The following PCDHA1 variants were observed in gnomAD, a reference collection of about 807,000 sequenced individuals.
PCDHA1 encodes protocadherin alpha-1.
A neutral mutation model predicts 61.3 loss-of-function variants in PCDHA1; 42 were observed. That is an observed-to-expected ratio of 0.69 (90% CI 0.54 to 0.89). The LOEUF is 0.89. Ranked by LOEUF, PCDHA1 falls within the 40% of genes least tolerant of loss-of-function variation. The pLI, the probability that PCDHA1 is intolerant of heterozygous loss-of-function variation, is 0.00. For synonymous variants in PCDHA1, 610 were observed against 553.8 expected (o/e 1.10, Z -1.43); for missense variants, 1,256 against 1,235.3 (o/e 1.02, Z -0.25).
chr5:140,836,764 A>G (rs1774728694), intron 1 of PCDHA1: 2 of 1,563,418 alleles, frequency 1.3e-6, no homozygotes, highest in Non-Finnish European at 1.7e-6. Context: ...TCTTGTTTCC[A>G]ACAATTTTAA....
chr5:140,861,445 G>A (rs1196401790), intron 1 of PCDHA1: 1 of 494,332 alleles, frequency 2.0e-6, no homozygotes, highest in Admixed American at 2.1e-5. Context: ...AAAAGCCGCA[G>A]AAACCTTCTG....
chr5:141,010,499 T>C lies in PCDHA1; in HGVS notation c.*562T>C. ...GTGTAAACTTAAAGGGACCAGACTTTCTAAATCTTACAACTCAAGAGGTGG... is the reference window on the plus strand; with the variant it reads ...GTGTAAACTTAAAGGGACCAGACTTCCTAAATCTTACAACTCAAGAGGTGG... On this transcript the variant is annotated 3_prime_UTR_variant, in exon 4 of 4. Coordinates refer to ENST00000504120, the MANE Select transcript of PCDHA1 (RefSeq NM_018900.4). 1.7e-6 allele frequency: 1 copy of C among 586,170 alleles called. No individual in the cohort carries two copies. Among genetic ancestry groups the C allele is most frequent in the Non-Finnish European group, 2.7e-6 (1 of 372,458 alleles). 36.3% of individuals were successfully genotyped at this position (586,170 alleles called of 1,614,324 possible).
At chr5:140,790,565 T>A (rs1344687943) in intron 1 of PCDHA1, among the ~76,000 whole-genome samples, 1 of 152,206 alleles carries the variant, frequency 6.6e-6, no homozygotes, top group Non-Finnish European at 1.5e-5. Flanking sequence ...AAAAAAATAA[T>A]CTTAGCATCA....
At chr5:140,946,660 A>T (rs2094005518) in intron 1 of PCDHA1, among the ~76,000 whole-genome samples, 1 of 146,900 alleles carries the variant, frequency 6.8e-6, no homozygotes, top group African/African-American at 2.6e-5. Context: ...GCCATTAGAA[A>T]GAATGAAATC....
intron 1 of PCDHA1, chr5:140,968,939 A>G: frequency 6.2e-7 from 1 of 1,614,164 alleles, no homozygotes; most frequent in South Asian, 1.1e-5. Flanking sequence ...GACAATCATC[A>G]TTTTGAGCAT....
chr5:140,882,770 T>C (rs781904504), intron 1 of PCDHA1: 4 of 1,614,144 alleles, frequency 2.5e-6, no homozygotes, highest in Non-Finnish European at 3.4e-6. Flanking sequence ...AAACTCGGCA[T>C]TGACCTACCG....
intron 1 of PCDHA1, chr5:140,883,566 C>A: frequency 1.2e-5 from 19 of 1,614,176 alleles, no homozygotes; most frequent in Non-Finnish European, 1.5e-5. Flanking sequence ...GGGGGCTCGC[C>A]TTCGCTGTGG....
chr5:140,964,812 T>C (rs2095855698), intron 1 of PCDHA1, among the ~76,000 whole-genome samples: 1 of 151,914 alleles, frequency 6.6e-6, no homozygotes, highest in Non-Finnish European at 1.5e-5. Flanking sequence ...GAGACAGGAA[T>C]AGATTTTGAT....
chr5:140,796,697 G>A, intron 1 of PCDHA1: 1 of 1,613,994 alleles, frequency 6.2e-7, no homozygotes, highest in Non-Finnish European at 8.5e-7. Context: ...GGCGCAGTGA[G>A]TGAGCTGGTG....
intron 1 of PCDHA1, chr5:140,829,680 T>C (rs1554132158): frequency 1.9e-6 from 3 of 1,613,098 alleles, no homozygotes; most frequent in African/African-American, 1.3e-5. Context: ...GAGCTAGAGC[T>C]GCTGCAGTTT....
chr5:140,946,353 A>C (rs2093933429), intron 1 of PCDHA1, among the ~76,000 whole-genome samples: 1 of 151,910 alleles, frequency 6.6e-6, no homozygotes, highest in Admixed American at 6.6e-5. Context: ...GAGGATGTGG[A>C]GAAAAGGGAA....
chr5:140,820,875 A>C (rs2150108216), intron 1 of PCDHA1, among the ~76,000 whole-genome samples: 8 of 152,070 alleles, frequency 5.3e-5, no homozygotes, highest in Non-Finnish European at 1.2e-4. Context: ...TCTAATTTGA[A>C]AATAGTGCAA....
intron 1 of PCDHA1, chr5:140,816,520 T>A (rs909613527): frequency 6.6e-6 from 1 of 152,074 alleles, no homozygotes; most frequent in Non-Finnish European, 1.5e-5. Flanking sequence ...TGTGTGTGTG[T>A]GTGTGTGTGT....
At chr5:140,998,405 G>C (rs144117915) in intron 3 of PCDHA1, among the ~76,000 whole-genome samples, 226 of 152,208 alleles carry the variant, frequency 1.5e-3, no homozygotes, top group African/African-American at 5.2e-3. Flanking sequence ...TTATGCCAAA[G>C]TTTATCTACC....
At chr5:140,873,835 A>G (rs917455135) in intron 1 of PCDHA1, among the ~76,000 whole-genome samples, 3 of 151,964 alleles carry the variant, frequency 2.0e-5, no homozygotes, top group Admixed American at 6.6e-5. Flanking sequence ...TAATTTTTGT[A>G]TTTTTAGTAG....
chr5:140,903,966 T>A (rs568850758), intron 1 of PCDHA1, among the ~76,000 whole-genome samples: 1 of 152,360 alleles, frequency 6.6e-6, no homozygotes, highest in Admixed American at 6.5e-5. Context: ...TTTGTTGATT[T>A]TTGGTCTATT....
chr5:140,968,876 A>G (rs782240993), intron 1 of PCDHA1: 51 of 1,614,112 alleles, frequency 3.2e-5, no homozygotes, highest in Non-Finnish European at 4.1e-5. Context: ...ATACTCTGAA[A>G]TTACCCTTTA....
At chr5:140,796,330 G>A (rs1239286349) in intron 1 of PCDHA1, 2 of 1,607,564 alleles carry the variant, frequency 1.2e-6, no homozygotes, top group Non-Finnish European at 1.7e-6. Context: ...GCCGGCGTTC[G>A]CACAGCCTGA....
intron 1 of PCDHA1, chr5:140,834,791 A>G: frequency 6.2e-7 from 1 of 1,613,714 alleles, no homozygotes; most frequent in Non-Finnish European, 8.5e-7. Context: ...TCCCAGCGAC[A>G]CAAAGGAATC....
Sources: allele counts gnomAD v4.1 joint callset (sites outside exome capture counted in the v4.1 genomes callset), GRCh38; gene constraint gnomAD v4.1.1; transcripts MANE v1.5; gene names NCBI Gene and HGNC (gene_info 2026-07-23, HGNC 2026-07-21).